MAP1LC3B: variants seen among roughly 807,000 people sequenced by gnomAD.
The protein encoded by MAP1LC3B is microtubule associated protein 1 light chain 3 beta.
MAP1LC3B carries 12 observed loss-of-function variants against 16.7 expected under a neutral mutation model. That is an observed-to-expected ratio of 0.72 (90% CI 0.46 to 1.16). The LOEUF is 1.16. Ranked by LOEUF, MAP1LC3B falls within the 50% of genes most tolerant of loss-of-function variation. MAP1LC3B has a pLI of 0.00. For synonymous variants in MAP1LC3B, 63 were observed against 56.5 expected, an observed-to-expected ratio of 1.11 and a Z score of -0.51; for missense variants, 155 against 159.5, an observed-to-expected ratio of 0.97 and a Z score of 0.15.
rs540197188 is a variant in MAP1LC3B at position 87,402,977 on chromosome 16, C to T, written c.258C>T (p.His86=). The change falls in exon 4 of 4, where the codon CAC becomes CAT. Residue 86 remains histidine (H), a synonymous_variant. Coordinates refer to ENST00000268607, the MANE Select transcript of MAP1LC3B (RefSeq NM_022818.5). The part of the protein sequence containing the change: ...NQAFFLLVNG[H]SMVSVSTPIS... ...CCTTCTTCCTGTTGGTGAACGGACA[C>T]AGCATGGTCAGCGTCTCCACACCAA... 19 of 1,614,004 alleles carry T rather than the reference C, an allele frequency of 1.2e-5. No individual in the cohort carries two copies. In the South Asian group the frequency reaches 2.0e-4, roughly 17 times the overall value.
intron 1 of MAP1LC3B, among the ~76,000 whole-genome samples, chr16:87,395,978 A>AGCCTG (rs1277295350): frequency 1.4e-4 from 20 of 145,388 alleles, no homozygotes; most frequent in African/African-American, 4.6e-4. Flanking sequence ...CTCCTGCCTT[A>AGCCTG]GCCTCCTGAG....
intron 1 of MAP1LC3B, chr16:87,396,987 C>T (rs759287676): frequency 6.6e-6 from 1 of 152,008 alleles, no homozygotes; most frequent in Non-Finnish European, 1.5e-5. Context: ...GACGCCGCGC[C>T]CAGCTCATTT....
chr16:87,393,761 G>T (rs1228975231), intron 1 of MAP1LC3B, among the ~76,000 whole-genome samples: 2 of 152,030 alleles, frequency 1.3e-5, no homozygotes, highest in Non-Finnish European at 2.9e-5. Flanking sequence ...TTTATTTTGA[G>T]ACAGGGTCTC....
intron 3 of MAP1LC3B, 71 bp from the exon 4 acceptor site, chr16:87,402,852 G>C (rs1271900705): frequency 6.4e-7 from 1 of 1,568,360 alleles, no homozygotes; most frequent in Non-Finnish European, 8.7e-7. Flanking sequence ...CAGAGTGGGT[G>C]ATATTTTAAC....
chr16:87,398,973 C>T (rs1467255536), intron 2 of MAP1LC3B, 103 bp downstream of exon 2: 12 of 990,336 alleles, frequency 1.2e-5, no homozygotes, highest in Admixed American at 5.5e-5. Flanking sequence ...ACCAGACAGC[C>T]AAACCCTGGG....
At chr16:87,393,511 G>C (rs1411536413) in intron 1 of MAP1LC3B, among the ~76,000 whole-genome samples, 2 of 152,164 alleles carry the variant, frequency 1.3e-5, no homozygotes, top group Non-Finnish European at 2.9e-5. Context: ...AGTTTTGCAG[G>C]TCTCATTGAC....
chr16:87,392,345 T>A lies in MAP1LC3B; in HGVS notation c.-83T>A. The A allele has an allele frequency of 1.5e-6, 2 of 1,316,346 alleles. No homozygotes were observed. The highest frequency in any genetic ancestry group is 2.0e-6 in the Non-Finnish European group (2 of 1,024,856). 81.5% of individuals were successfully genotyped at this position (1,316,346 alleles called of 1,614,324 possible). ...GGAAGTGGCTATCGCCAGAGTCGGA[T>A]TCGCCGCCGCAGCAGCCGCCGCCCC... is the stretch of plus-strand genomic sequence containing the variant. On this transcript the variant is annotated 5_prime_UTR_variant, in exon 1 of 4. Coordinates refer to ENST00000268607, the MANE Select transcript of MAP1LC3B (RefSeq NM_022818.5).
In MAP1LC3B at chr16:87,398,847, G is replaced by C. The variant is rs113610787; in HGVS notation, c.73G>C (p.Glu25Gln). 16,354 of 1,614,034 alleles carry C rather than the reference G, an allele frequency of 0.01. 125 individuals are homozygous for C. The highest frequency in any genetic ancestry group is 0.013 in the Non-Finnish European group (15,066 of 1,179,892). The change falls in exon 2 of 4, where the codon GAG becomes CAG. Residue 25 changes from glutamate to glutamine, a missense_variant. Glu to Gln is a conservative substitution (Grantham distance 29). Transcript: ENST00000268607. ...AGTAGAAGATGTCCGACTTATTCGA[G>C]AGCAGCATCCAACCAAAATCCCGGT... ...QRVEDVRLIR[E>Q]QHPTKIPVII...
chr16:87,394,710 C>G (rs975373980), intron 1 of MAP1LC3B, among the ~76,000 whole-genome samples: 6 of 152,098 alleles, frequency 3.9e-5, no homozygotes, highest in Non-Finnish European at 5.9e-5. Context: ...TTAAGTGGAC[C>G]AAGACTGTGT....
intron 2 of MAP1LC3B, 30 bp downstream of exon 2, chr16:87,398,900 A>G (rs765405578): frequency 6.2e-7 from 1 of 1,601,572 alleles, no homozygotes; most frequent in Non-Finnish European, 8.6e-7. Flanking sequence ...GGTTTCAGTC[A>G]TGAATGTACG....
At chr16:87,394,689 T>C (rs111964475) in intron 1 of MAP1LC3B, among the ~76,000 whole-genome samples, 3,602 of 152,342 alleles carry the variant, frequency 0.024, 81 homozygotes, top group Middle Eastern at 0.1. Flanking sequence ...GTAGCCATCA[T>C]TTCCAGTATA....
chr16:87,397,189 G>C (rs760775227), intron 1 of MAP1LC3B, among the ~76,000 whole-genome samples: 12 of 152,198 alleles, frequency 7.9e-5, no homozygotes, highest in Non-Finnish European at 1.8e-4. Context: ...CCATGAGTTT[G>C]CAATCTTTGT....
chr16:87,402,096 A>G, intron 2 of MAP1LC3B, 79 bp from the exon 3 acceptor site: 2 of 1,458,828 alleles, frequency 1.4e-6, no homozygotes, highest in Admixed American at 1.8e-5. Context: ...CGGCCTCCCA[A>G]AATGCTGGGG....
intron 1 of MAP1LC3B, among the ~76,000 whole-genome samples, chr16:87,394,928 C>T (rs781338354): frequency 7.3e-5 from 11 of 149,708 alleles, no homozygotes; most frequent in Non-Finnish European, 1.5e-4. Context: ...ACCAAACAGA[C>T]AAATAAGAGT....
At position 87,402,064 on chromosome 16, in the gene MAP1LC3B, T is replaced by A. The variant is rs946509160; in HGVS notation, c.97-111T>A. 4.6e-5 allele frequency: 43 copies of A among 944,576 alleles called. 2 individuals are homozygous for A. In the South Asian group the frequency reaches 6.2e-4, roughly 14 times the overall value. The allele number at this position is 944,576 out of a possible 1,614,324, so 58.5% of individuals were successfully genotyped here. A position where few individuals can be genotyped will look rare whatever the true frequency, so the allele number is the denominator to read the frequency against. On this transcript the variant is annotated intron_variant, in intron 2 of 3. Coordinates refer to ENST00000268607, the MANE Select transcript of MAP1LC3B (RefSeq NM_022818.5). ...GTTAGCCAGGGTGGTCTCAGTCTCCTGACCTCGTGATGTGCCCGCCTCGGC... is the reference window on the plus strand; with the variant it reads ...GTTAGCCAGGGTGGTCTCAGTCTCCAGACCTCGTGATGTGCCCGCCTCGGC...
intron 1 of MAP1LC3B, among the ~76,000 whole-genome samples, chr16:87,395,847 CTTTCCTT>C (rs1444512512): frequency 1.0e-5 from 1 of 95,542 alleles, no homozygotes; most frequent in East Asian, 2.9e-4. Context: ...TTTTTTCCTT[CTTTCCTT>C]TTTTTTTTTT....
chr16:87,394,460 G>A (rs181708183), intron 1 of MAP1LC3B, among the ~76,000 whole-genome samples: 143 of 152,330 alleles, frequency 9.4e-4, no homozygotes, highest in African/African-American at 3.4e-3. Flanking sequence ...AAGTGAGTGA[G>A]TTTAAGGTTA....
chr16:87,397,681 C>T (rs1369189916), intron 1 of MAP1LC3B, among the ~76,000 whole-genome samples: 5 of 152,164 alleles, frequency 3.3e-5, no homozygotes, highest in South Asian at 2.1e-4. Flanking sequence ...ATTAGAGTAA[C>T]GTCATATTTA....
rs1175124399 is a variant in MAP1LC3B at position 87,392,344 on chromosome 16, A to T, written c.-84A>T. ...GGGAAGTGGCTATCGCCAGAGTCGG[A>T]TTCGCCGCCGCAGCAGCCGCCGCCC... On this transcript the variant is annotated 5_prime_UTR_variant, in exon 1 of 4. Transcript: ENST00000268607. 1 of 1,314,452 alleles carries T rather than the reference A, an allele frequency of 7.6e-7. No individual in the cohort carries two copies. Among genetic ancestry groups the T allele is most frequent in the Non-Finnish European group, 9.8e-7 (1 of 1,023,072 alleles). The allele number at this position is 1,314,452 out of a possible 1,614,324, so 81.4% of individuals were successfully genotyped here. A position where few individuals can be genotyped will look rare whatever the true frequency, so the allele number is the denominator to read the frequency against.
Sources: allele counts gnomAD v4.1 joint callset (sites outside exome capture counted in the v4.1 genomes callset), GRCh38; gene constraint gnomAD v4.1.1; transcripts MANE v1.5; gene names NCBI Gene and HGNC (gene_info 2026-07-23, HGNC 2026-07-21).